The following ORC2 variants were observed in gnomAD, a reference collection of about 807,000 sequenced individuals.
ORC2 encodes origin recognition complex protein 2 homolog.
Under a neutral mutation model 77.7 loss-of-function variants are expected in ORC2, and 37 were observed. The observed-to-expected ratio is 0.48, with a 90% CI of 0.37 to 0.63. The LOEUF (loss-of-function observed/expected upper bound fraction) is 0.63. ORC2 is among the 20% of genes least tolerant of loss of function. ORC2 has a pLI of 0.00. For missense variants in ORC2, 557 were observed against 661.9 expected (o/e 0.84, Z 1.74); for synonymous variants, 201 against 229.5 (o/e 0.88, Z 1.12).
At chr2:200,948,562 TTTTG>T (rs754215913) in intron 5 of ORC2, among the ~76,000 whole-genome samples, 121 of 152,132 alleles carry the variant, frequency 8.0e-4, no homozygotes, top group African/African-American at 2.4e-3. Flanking sequence ...CTCTGGGTTT[TTTTG>T]TTTGTTTGTT....
chr2:200,940,933 G>A (rs16836097), intron 7 of ORC2, among the ~76,000 whole-genome samples: 3 of 152,226 alleles, frequency 2.0e-5, no homozygotes, highest in South Asian at 2.1e-4. Flanking sequence ...AACAGAACAT[G>A]ATACATAAAA....
chr2:200,957,273 T>C (rs2041484213), intron 4 of ORC2, 128 bp downstream of exon 4: 1 of 622,508 alleles, frequency 1.6e-6, no homozygotes, highest in African/African-American at 1.9e-5. Context: ...TTGAAGCAAA[T>C]GCTTTTTAGA....
chr2:200,932,858 C>G (rs1171989209), intron 10 of ORC2, among the ~76,000 whole-genome samples: 1 of 152,164 alleles, frequency 6.6e-6, no homozygotes, highest in African/African-American at 2.4e-5. Flanking sequence ...GGAGCAAATC[C>G]TAGATCAGCC....
rs370268225 is a variant in ORC2, at chr2:200,924,151, C to G, written c.1147+1685G>C. Among the ~76,000 whole-genome samples the G allele has an allele frequency of 6.6e-5, 10 of 152,212 alleles. No individual in the cohort carries two copies. The East Asian group carries it at 1.3e-3, about 21-fold the overall frequency. On this transcript the variant is annotated intron_variant, in intron 13 of 17. Coordinates refer to ENST00000234296, the MANE Select transcript of ORC2 (RefSeq NM_006190.5). Reference sequence around the variant, plus strand: ...CCCTTGAGGCCTAGGAGTTTGAGACCAGCCTGGGCAACACAGTGAGACTCC... The same window carrying G: ...CCCTTGAGGCCTAGGAGTTTGAGACGAGCCTGGGCAACACAGTGAGACTCC...
intron 4 of ORC2, among the ~76,000 whole-genome samples, chr2:200,950,926 G>T (rs2041343145): frequency 6.6e-6 from 1 of 152,146 alleles, no homozygotes; most frequent in Admixed American, 6.5e-5. Flanking sequence ...AATCATTAAT[G>T]ACACTGAACA....
intron 5 of ORC2, among the ~76,000 whole-genome samples, chr2:200,946,373 T>C (rs1047358019): frequency 1.3e-5 from 2 of 152,176 alleles, no homozygotes; most frequent in East Asian, 3.9e-4. Flanking sequence ...TCTATTTTAC[T>C]GATATATTTA....
intron 15 of ORC2, among the ~76,000 whole-genome samples, chr2:200,914,884 A>G (rs187231318): frequency 2.6e-5 from 4 of 151,918 alleles, no homozygotes; most frequent in East Asian, 1.9e-4. Context: ...CATACTGGGT[A>G]TGCTGTTATC....
chr2:200,962,993 G>A (rs2041609625), intron 1 of ORC2: 1 of 153,360 alleles, frequency 6.5e-6, no homozygotes, highest in Non-Finnish European at 1.5e-5. Flanking sequence ...AGGCTGGGAT[G>A]ACATCAAAGG....
At chr2:200,956,838 A>G (rs1575187023) in intron 4 of ORC2, among the ~76,000 whole-genome samples, 1 of 152,226 alleles carries the variant, frequency 6.6e-6, no homozygotes, top group East Asian at 1.9e-4. Context: ...CAGCCATAAA[A>G]GGAATGAGAT....
intron 4 of ORC2, 146 bp downstream of exon 4, chr2:200,957,255 T>C: frequency 1.8e-6 from 1 of 562,402 alleles, no homozygotes; most frequent in Non-Finnish European, 3.0e-6. Context: ...AAAAGAACTA[T>C]GGAGAAATTG....
chr2:200,950,664 A>G (rs569912873), intron 4 of ORC2, among the ~76,000 whole-genome samples: 2 of 152,364 alleles, frequency 1.3e-5, no homozygotes, highest in African/African-American at 4.8e-5. Flanking sequence ...CCAGACATTA[A>G]AAATAGAAAA....
rs1051176951 is a variant in ORC2, at chr2:200,957,342, C to A, written c.238+59G>T. On this transcript the variant is annotated intron_variant, in intron 4 of 17. Coordinates refer to ENST00000234296, the MANE Select transcript of ORC2 (RefSeq NM_006190.5). The stretch of plus-strand genomic sequence containing the variant: ...AACCTACCAGACTACTTTTGTGTAT[C>A]CTATAAAGCAATTTCTGCTACTAGC... The A allele has an allele frequency of 9.8e-6, 13 of 1,325,140 alleles. No individual in the cohort carries two copies. The Admixed American group carries it at 3.0e-4, about 31-fold the overall frequency. The allele number at this position is 1,325,140 out of a possible 1,614,324, so 82.1% of individuals were successfully genotyped here. A position where few individuals can be genotyped will look rare whatever the true frequency, so the allele number is the denominator to read the frequency against.
chr2:200,939,913 A>G (rs1034276368), intron 7 of ORC2, among the ~76,000 whole-genome samples: 10 of 152,262 alleles, frequency 6.6e-5, no homozygotes, highest in African/African-American at 1.2e-4. Context: ...CACACAAGAC[A>G]TAAGAAAAAA....
chr2:200,918,991 A>G (rs2040710053), intron 15 of ORC2, among the ~76,000 whole-genome samples: 1 of 151,798 alleles, frequency 6.6e-6, no homozygotes, highest in African/African-American at 2.4e-5. Flanking sequence ...CACCACACTC[A>G]ATTAATTTTT....
intron 13 of ORC2, among the ~76,000 whole-genome samples, chr2:200,924,788 T>G (rs905177075): frequency 2.0e-5 from 3 of 152,170 alleles, no homozygotes; most frequent in Non-Finnish European, 2.9e-5. Flanking sequence ...AGATAGAGTC[T>G]CACTCTATCA....
At chr2:200,944,894 A>G (rs1575175799) in intron 5 of ORC2, among the ~76,000 whole-genome samples, 4 of 152,312 alleles carry the variant, frequency 2.6e-5, no homozygotes, top group Admixed American at 2.6e-4. Context: ...TGAATGGCAA[A>G]AAGTTACAGT....
At chr2:200,942,980 A>G in intron 5 of ORC2, 1 of 370,314 alleles carries the variant, frequency 2.7e-6, no homozygotes, top group Non-Finnish European at 4.8e-6. Context: ...CATATTACCC[A>G]CAGATTTCTT....
At chr2:200,916,662 T>A (rs577095258) in intron 15 of ORC2, among the ~76,000 whole-genome samples, 1 of 152,188 alleles carries the variant, frequency 6.6e-6, no homozygotes, top group South Asian at 2.1e-4. Flanking sequence ...CATCAAAAAA[T>A]TTCATTAGAT....
At chr2:200,941,221 G>A in intron 7 of ORC2, 27 bp downstream of exon 7, 1 of 1,593,764 alleles carries the variant, frequency 6.3e-7, no homozygotes, top group Non-Finnish European at 8.6e-7. Context: ...TAACACTAAG[G>A]CTTTTGCTTT....
Sources: allele counts gnomAD v4.1 joint callset (sites outside exome capture counted in the v4.1 genomes callset), GRCh38; gene constraint gnomAD v4.1.1; transcripts MANE v1.5; gene names NCBI Gene and HGNC (gene_info 2026-07-23, HGNC 2026-07-21).